The following PHF12 variants were observed in gnomAD, a reference collection of about 807,000 sequenced individuals.
PHF12 encodes the protein PHD factor 1.
In PHF12, 6 loss-of-function variants were observed where a neutral mutation model predicts 99.8. The observed-to-expected ratio is 0.06, with a 90% confidence interval of 0.03 to 0.12. The LOEUF is 0.12. Among genes scored for constraint, PHF12 ranks in the 10% least tolerant of loss-of-function variants. The pLI, the probability that PHF12 is intolerant of heterozygous loss-of-function variation, is 1.00. For missense variants in PHF12, 954 were observed against 1,300.1 expected (o/e 0.73, Z 4.09); for synonymous variants, 480 against 514.9 (o/e 0.93, Z 0.92).
chr17:28,912,865 T>A lies in PHF12; in HGVS notation c.1706A>T (p.Asn569Ile). 6.2e-7 allele frequency: 1 copy of A among 1,611,506 alleles called. No homozygotes were observed. Among genetic ancestry groups the A allele is most frequent in the Non-Finnish European group, 8.5e-7 (1 of 1,178,118 alleles). ...STDPRRLPGA[N>I]TPLPGLSHRQ... is the part of the protein sequence containing the mutation. ...GTGTGAGAGGCCTGGTAGTGGGGTG[T>A]TAGCGCCTGGAAGTCGCCGGGGGTC... is the stretch of plus-strand genomic sequence containing the variant. The change falls in exon 9 of 15, where the codon AAC becomes ATC. Residue 569 changes from asparagine (N) to isoleucine (I), a missense_variant. Around this residue, in one of 8 missense-constraint regions of PHF12, gnomAD observed 392 missense variants for 423.1 expected, o/e 0.93. Coordinates refer to ENST00000332830, the MANE Select transcript of PHF12 (RefSeq NM_001033561.2).
At chr17:28,911,006 G>C (rs1388185699) in intron 10 of PHF12, 106 bp downstream of exon 10, 1 of 1,509,604 alleles carries the variant, frequency 6.6e-7, no homozygotes, top group African/African-American at 1.4e-5. Context: ...CTAGGCCTCT[G>C]GGATCAGGTG....
At chr17:28,917,548 C>A in intron 6 of PHF12, 99 bp from the exon 7 acceptor site, 1 of 1,333,898 alleles carries the variant, frequency 7.5e-7, no homozygotes. Flanking sequence ...AAGCCCTCAG[C>A]CACATAGGTT....
intron 8 of PHF12, among the ~76,000 whole-genome samples, 181 bp from the exon 9 acceptor site, chr17:28,913,458 G>C (rs1005361025): frequency 6.6e-6 from 1 of 152,180 alleles, no homozygotes; most frequent in Non-Finnish European, 1.5e-5. Flanking sequence ...AAGACTTATA[G>C]GTACCCTCAG....
At chr17:28,948,069 G>A (rs1447830425) in intron 2 of PHF12, among the ~76,000 whole-genome samples, 1 of 152,162 alleles carries the variant, frequency 6.6e-6, no homozygotes, top group Non-Finnish European at 1.5e-5. Context: ...GAGTTTAAAA[G>A]CCCAATCTCA....
intron 2 of PHF12, chr17:28,944,455 C>T (rs2040684299): frequency 1.9e-5 from 18 of 953,034 alleles, no homozygotes; most frequent in Non-Finnish European, 2.2e-5. Context: ...CCCCTAAGCC[C>T]TACATTAAGA....
intron 2 of PHF12, among the ~76,000 whole-genome samples, chr17:28,943,015 G>A (rs1025909180): frequency 3.1e-4 from 47 of 151,964 alleles, no homozygotes; most frequent in African/African-American, 1.1e-3. Context: ...TCTTAATAGA[G>A]ATCTCTAAGT....
intron 5 of PHF12, among the ~76,000 whole-genome samples, chr17:28,919,536 T>A (rs2040123044): frequency 6.6e-6 from 1 of 152,124 alleles, no homozygotes; most frequent in African/African-American, 2.4e-5. Context: ...AGACTGAGAC[T>A]GAGACTAGCC....
chr17:28,936,733 G>A (rs1045184876), intron 2 of PHF12, among the ~76,000 whole-genome samples: 1 of 152,196 alleles, frequency 6.6e-6, no homozygotes, highest in Non-Finnish European at 1.5e-5. Context: ...GGGAAGAGGT[G>A]TTCAGCAAGC....
At chr17:28,946,240 G>C (rs2040721002) in intron 2 of PHF12, among the ~76,000 whole-genome samples, 1 of 152,128 alleles carries the variant, frequency 6.6e-6, no homozygotes, top group Non-Finnish European at 1.5e-5. Context: ...AGTTAAACTT[G>C]GATAAAATGA....
Position 28,950,604 on chromosome 17 carries a change from A to G in PHF12, c.66+291T>C. On this transcript the variant is annotated intron_variant, in intron 1 of 14. Transcript: ENST00000332830. The surrounding 1 kb of genome is among the most constrained non-coding windows in gnomAD (Gnocchi z 5.7). Reference sequence around the variant, plus strand: ...TACCCGGACGTGCTGGGGGAAGCACAAAGGGGCCAACAAGAAGGGGGTGGG... The same window carrying G: ...TACCCGGACGTGCTGGGGGAAGCACGAAGGGGCCAACAAGAAGGGGGTGGG... The G allele has an allele frequency of 1.9e-6, 1 of 528,136 alleles. No homozygotes were observed. The highest frequency in any genetic ancestry group is 1.9e-5 in the African/African-American group (1 of 51,820). The allele number at this position is 528,136 out of a possible 1,614,324, so 32.7% of individuals were successfully genotyped here.
chr17:28,951,104 C>A lies in PHF12; in HGVS notation c.-144G>T. 6.8e-7 allele frequency: 1 copy of A among 1,460,812 alleles called. No homozygotes were observed. The highest frequency in any genetic ancestry group is 1.4e-5 in the South Asian group (1 of 72,896). The allele number at this position is 1,460,812 out of a possible 1,614,324, so 90.5% of individuals were successfully genotyped here. On this transcript the variant is annotated 5_prime_UTR_variant, in exon 1 of 15. Coordinates refer to ENST00000332830, the MANE Select transcript of PHF12 (RefSeq NM_001033561.2). ...CCGACTTCCTCGCCCTGGCTCCCCCCCACCCCCCGGCCCCCAGTCCCCGGG... is the reference window on the plus strand; with the variant it reads ...CCGACTTCCTCGCCCTGGCTCCCCCACACCCCCCGGCCCCCAGTCCCCGGG...
chr17:28,951,046 G>A lies in PHF12; in HGVS notation c.-86C>T. The A allele has an allele frequency of 6.3e-7, 1 of 1,596,546 alleles. No individual in the cohort carries two copies. Among genetic ancestry groups the A allele is most frequent in the Non-Finnish European group, 8.5e-7 (1 of 1,171,356 alleles). On this transcript the variant is annotated 5_prime_UTR_variant, in exon 1 of 15. Transcript: ENST00000332830. ...GGAGGTGAGGGGAGGGGGCGCTCCTGACCCCGGCCCCGCTTTTTTCCCAAT... is the reference window on the plus strand; with the variant it reads ...GGAGGTGAGGGGAGGGGGCGCTCCTAACCCCGGCCCCGCTTTTTTCCCAAT...
At chr17:28,917,057 A>C (rs775680978) in intron 7 of PHF12, among the ~76,000 whole-genome samples, 1 of 152,208 alleles carries the variant, frequency 6.6e-6, no homozygotes, top group Non-Finnish European at 1.5e-5. Flanking sequence ...TATCCTTTGG[A>C]AAACTAGAGA....
chr17:28,920,938 A>G (rs1444393512), intron 5 of PHF12, among the ~76,000 whole-genome samples: 4 of 151,642 alleles, frequency 2.6e-5, no homozygotes, highest in Admixed American at 6.6e-5. Flanking sequence ...CAGTGGCGCG[A>G]TCTTGGCTCA....
At position 28,949,939 on chromosome 17, in the gene PHF12, G is replaced by T; in HGVS notation, c.248+126C>A. On this transcript the variant is annotated intron_variant, in intron 2 of 14. Transcript: ENST00000332830. This position sits in a 1 kb window ranked among gnomAD's most constrained non-coding sequence, Gnocchi z 4.6. The stretch of plus-strand genomic sequence containing the variant: ...CTGGGGGCGGGGAGGTGCTCGCCCC[G>T]GCAGCTGCAGAAAGTCAGCTAGCGG... The T allele has an allele frequency of 8.8e-7, 1 of 1,139,406 alleles. No individual in the cohort carries two copies. Among genetic ancestry groups the T allele is most frequent in the Non-Finnish European group, 1.2e-6 (1 of 816,726 alleles). The allele number at this position is 1,139,406 out of a possible 1,614,324, so 70.6% of individuals were successfully genotyped here. A position where few individuals can be genotyped will look rare whatever the true frequency, so the allele number is the denominator to read the frequency against.
chr17:28,917,474 T>C (rs768633298), intron 6 of PHF12, 25 bp from the exon 7 acceptor site: 11 of 1,572,544 alleles, frequency 7.0e-6, no homozygotes, highest in Non-Finnish European at 9.5e-6. Flanking sequence ...GACACAACCT[T>C]GTGGTGAGCC....
intron 2 of PHF12, chr17:28,944,860 A>C (rs1339542038): frequency 6.6e-6 from 1 of 152,232 alleles, no homozygotes; most frequent in East Asian, 1.9e-4. Context: ...AAGCACTTAC[A>C]ATGTCAAAAA....
Position 28,950,004 on chromosome 17 carries a change from G to A in PHF12, c.248+61C>T. 1 of 1,469,032 alleles carries A rather than the reference G, an allele frequency of 6.8e-7. No individual in the cohort carries two copies. The highest frequency in any genetic ancestry group is 9.1e-7 in the Non-Finnish European group (1 of 1,099,394). The allele number at this position is 1,469,032 out of a possible 1,614,324, so 91.0% of individuals were successfully genotyped here. A position where few individuals can be genotyped will look rare whatever the true frequency, so the allele number is the denominator to read the frequency against. ...TATTTCGGCAGTCAGGGGCAGGCCGGGTGAAGGAATGCGCAGAGAAGGGTC... is the reference window on the plus strand; with the variant it reads ...TATTTCGGCAGTCAGGGGCAGGCCGAGTGAAGGAATGCGCAGAGAAGGGTC... On this transcript the variant is annotated intron_variant, in intron 2 of 14. Transcript: ENST00000332830. This position sits in a 1 kb window ranked among gnomAD's most constrained non-coding sequence, Gnocchi z 5.7.
intron 5 of PHF12, 33 bp downstream of exon 5, chr17:28,921,655 T>G (rs759639741): frequency 1.2e-6 from 2 of 1,609,016 alleles, no homozygotes; most frequent in South Asian, 2.2e-5. Context: ...TGCTAAATAA[T>G]GAGAAAGAGC....
Sources: gnomAD v4.1 joint callset for allele counts (sites outside exome capture counted in the v4.1 genomes callset) on GRCh38, gnomAD v4.1.1 for gene constraint, gnomAD v4.1.1 regional missense constraint, Gnocchi (gnomAD v3.1) non-coding constraint, MANE v1.5 for transcripts, NCBI Gene and HGNC (gene_info 2026-07-23, HGNC 2026-07-21) for gene names.